CEP78: variants seen among roughly 807,000 people sequenced by gnomAD.
CEP78 encodes the protein centrosomal protein of 78 kDa.
In CEP78, 76 loss-of-function variants were observed where a neutral mutation model predicts 81.2. The ratio of observed to expected loss-of-function variants is 0.94; its 90% confidence interval spans 0.78 to 1.13. CEP78 has a LOEUF of 1.13. Among genes scored for constraint, CEP78 ranks in the 50% most tolerant of loss-of-function variants. The pLI, the probability that CEP78 is intolerant of heterozygous loss-of-function variation, is 0.00. For synonymous variants in CEP78, 293 were observed against 301.4 expected (o/e 0.97, Z 0.29); for missense variants, 918 against 846.8 (o/e 1.08, Z -1.04).
In CEP78 at chr9:78,250,696, G is replaced by GCCA. The variant is rs534269288; in HGVS notation, c.1070-1210_1070-1208dup. On this transcript the variant is annotated intron_variant, in intron 8 of 16. Coordinates refer to ENST00000643273, the MANE Select transcript of CEP78 (RefSeq NM_001330691.3). ...GGAGGTTGCAGTGAGCTAAGATTGTGCCACTGCACTCCAGCCTGGGCGACA... is the reference window on the plus strand; with the variant it reads ...GGAGGTTGCAGTGAGCTAAGATTGTGCCACCACTGCACTCCAGCCTGGGCGACA... Among the ~76,000 whole-genome samples, 755 of 152,164 alleles carry GCCA rather than the reference G, an allele frequency of 5.0e-3. 6 individuals are homozygous for GCCA. Among genetic ancestry groups the GCCA allele is most frequent in the African/African-American group, 0.017 (723 of 41,488 alleles).
rs1178784229 is a variant in CEP78, at chr9:78,276,244, A to G, written c.*5393A>G. The G allele has an allele frequency of 6.6e-6, 1 of 152,228 alleles. No homozygotes were observed. The highest frequency in any genetic ancestry group is 6.5e-5 in the Admixed American group (1 of 15,278). The allele number at this position is 152,228 out of a possible 1,614,324, so 9.4% of individuals were successfully genotyped here. ...GAAGAGTAACTCACTGTAGCTCACT[A>G]AATTAACAGATTAAAGAAGTATAGT... On this transcript the variant is annotated 3_prime_UTR_variant, in exon 17 of 17. Transcript: ENST00000643273.
chr9:78,258,818 CTCCTA>C (rs1339042768), intron 11 of CEP78, among the ~76,000 whole-genome samples: 8 of 152,182 alleles, frequency 5.3e-5, no homozygotes, highest in African/African-American at 1.9e-4. Context: ...TGCAACTACA[CTCCTA>C]TCAGATTGGC....
chr9:78,278,126 A>C lies in CEP78; in HGVS notation c.*7275A>C, dbSNP rs757639015. On this transcript the variant is annotated 3_prime_UTR_variant, in exon 17 of 17. Coordinates refer to ENST00000643273, the MANE Select transcript of CEP78 (RefSeq NM_001330691.3). ...AAAAAAGGGGGGCTTCTCACATTTT[A>C]CTCCATTTAATTCTAGGTTGTTTGG... is the stretch of plus-strand genomic sequence containing the variant. 4.6e-5 allele frequency: 7 copies of C among 152,102 alleles called. No individual in the cohort carries two copies. Among genetic ancestry groups the C allele is most frequent in the Non-Finnish European group, 8.8e-5 (6 of 68,028 alleles). 9.4% of individuals were successfully genotyped at this position (152,102 alleles called of 1,614,324 possible).
chr9:78,264,902 C>T (rs563460574), intron 13 of CEP78, among the ~76,000 whole-genome samples: 6 of 152,020 alleles, frequency 3.9e-5, no homozygotes, highest in South Asian at 4.2e-4. Flanking sequence ...TTTTGCTGAA[C>T]GAATATACTG....
At chr9:78,257,768 A>G (rs754246732) in intron 11 of CEP78, among the ~76,000 whole-genome samples, 14 of 152,232 alleles carry the variant, frequency 9.2e-5, no homozygotes, top group Non-Finnish European at 2.1e-4. Context: ...TTTCAGTGGC[A>G]CAGCAGTCGG....
At chr9:78,258,494 C>T (rs1386243896) in intron 11 of CEP78, among the ~76,000 whole-genome samples, 2 of 152,114 alleles carry the variant, frequency 1.3e-5, no homozygotes, top group African/African-American at 4.8e-5. Flanking sequence ...TAATGTATAT[C>T]ACTAGAAGTT....
intron 3 of CEP78, 79 bp downstream of exon 3, chr9:78,240,443 G>A: frequency 8.2e-7 from 1 of 1,226,560 alleles, no homozygotes; most frequent in Non-Finnish European, 1.2e-6. Context: ...ATTCCTGTCT[G>A]TACCTTTTTT....
intron 10 of CEP78, chr9:78,253,746 GTCA>G (rs1194860103): frequency 6.5e-6 from 1 of 153,458 alleles, no homozygotes; most frequent in East Asian, 1.9e-4. Context: ...CACATTCCCT[GTCA>G]TTCTGCATCA....
In CEP78 at chr9:78,248,334, T is replaced by A. The variant is rs1473992572; in HGVS notation, c.936T>A (p.Asn312Lys). ...CAGTTATCAAAAAAGTCCTCCAGAA[T>A]GGAAGGAGTGCCAAATCAGAGGTAT... ...MKAVIKKVLQ[N>K]GRSAKSEYQW... The change falls in exon 7 of 17, where the codon AAT becomes AAA. Residue 312 changes from asparagine (N) to lysine (K), a missense_variant. By Grantham distance (94) the Asn-to-Lys change is moderately conservative. Transcript: ENST00000643273. 33 of 1,579,554 alleles carry A rather than the reference T, an allele frequency of 2.1e-5. No homozygotes were observed. Among genetic ancestry groups the A allele is most frequent in the Non-Finnish European group, 2.9e-5 (33 of 1,148,698 alleles).
rs371076007 is a variant in CEP78 at position 78,236,591 on chromosome 9, C to G, written c.241C>G (p.Leu81Val). The change falls in exon 1 of 17, where the codon CTG becomes GTG. Residue 81 changes from leucine (L) to valine (V), a missense_variant. Physicochemically the swap from Leu to Val is conservative, Grantham distance 32. Coordinates refer to ENST00000643273, the MANE Select transcript of CEP78 (RefSeq NM_001330691.3). ...VSIKSFFQPW[L>V]GDTGSDMNKF... is the part of the protein sequence containing the mutation. ...CATCAAGAGCTTCTTCCAGCCCTGGCTGGGGGACACAGGTTTGTAGTTCCC... is the reference window on the plus strand; with the variant it reads ...CATCAAGAGCTTCTTCCAGCCCTGGGTGGGGGACACAGGTTTGTAGTTCCC... The G allele has an allele frequency of 9.7e-6, 15 of 1,543,684 alleles. No individual in the cohort carries two copies. In the African/African-American group the frequency reaches 2.1e-4, roughly 21 times the overall value.
chr9:78,241,378 T>G (rs1587553752), intron 3 of CEP78, among the ~76,000 whole-genome samples: 2 of 152,298 alleles, frequency 1.3e-5, no homozygotes, highest in African/African-American at 4.8e-5. Context: ...TAGGAAGAGT[T>G]TTATTTTTTT....
chr9:78,252,753 A>G (rs1454179959), intron 9 of CEP78, among the ~76,000 whole-genome samples: 1 of 152,238 alleles, frequency 6.6e-6, no homozygotes, highest in African/African-American at 2.4e-5. Flanking sequence ...CTCAGATTAA[A>G]TTGAATATGT....
At chr9:78,259,040 C>T (rs1368851636) in intron 11 of CEP78, among the ~76,000 whole-genome samples, 2 of 152,162 alleles carry the variant, frequency 1.3e-5, no homozygotes, top group Non-Finnish European at 2.9e-5. Context: ...AAAGGGTCCA[C>T]GTGCATTATT....
chr9:78,265,655 C>A, intron 14 of CEP78, 112 bp downstream of exon 14: 1 of 1,024,694 alleles, frequency 9.8e-7, no homozygotes, highest in Non-Finnish European at 1.4e-6. Flanking sequence ...GGACCAGAAG[C>A]ATCTTTGGGG....
intron 11 of CEP78, among the ~76,000 whole-genome samples, chr9:78,255,280 G>A (rs772859193): frequency 1.3e-5 from 2 of 152,130 alleles, no homozygotes; most frequent in Non-Finnish European, 2.9e-5. Context: ...CTGAATGAAT[G>A]TAACCAGCTG....
chr9:78,248,167 AT>A, intron 6 of CEP78, 123 bp from the exon 7 acceptor site: 1 of 673,430 alleles, frequency 1.5e-6, no homozygotes, highest in Non-Finnish European at 2.7e-6. Context: ...ATTTAATTAC[AT>A]TATGTGGAAT....
chr9:78,253,423 G>A (rs759966411), intron 10 of CEP78, 146 bp downstream of exon 10: 132 of 620,712 alleles, frequency 2.1e-4, no homozygotes, highest in Non-Finnish European at 2.9e-4. Flanking sequence ...GGGTTCTCCC[G>A]GTGCCACAGT....
intron 8 of CEP78, among the ~76,000 whole-genome samples, chr9:78,251,703 A>G (rs1244370749): frequency 6.6e-6 from 1 of 150,988 alleles, no homozygotes; most frequent in African/African-American, 2.4e-5. Flanking sequence ...TTTATTACTT[A>G]TATTTAAGTA....
In CEP78 at chr9:78,253,261, T is replaced by C. The variant is rs1429965782; in HGVS notation, c.1235T>C (p.Ile412Thr). The change falls in exon 10 of 17, where the codon ATA becomes ACA. Residue 412 changes from isoleucine (I) to threonine (T), a missense_variant. Ile to Thr is a moderately conservative substitution (Grantham distance 89). Coordinates refer to ENST00000643273, the MANE Select transcript of CEP78 (RefSeq NM_001330691.3). Reference protein sequence around the residue: ...RGFPLIKTRDICNQLQQPGFP... With the variant: ...RGFPLIKTRDTCNQLQQPGFP... Reference sequence around the variant, plus strand: ...TTCCCATTAATCAAAACACGTGATATATGTAATCAGTTGCAGGTACGTAGT... The same window carrying C: ...TTCCCATTAATCAAAACACGTGATACATGTAATCAGTTGCAGGTACGTAGT... 4 of 1,382,466 alleles carry C rather than the reference T, an allele frequency of 2.9e-6. No homozygotes were observed. The highest frequency in any genetic ancestry group is 4.1e-6 in the Non-Finnish European group (4 of 981,566). 85.6% of individuals were successfully genotyped at this position (1,382,466 alleles called of 1,614,324 possible).
Sources: allele counts gnomAD v4.1 joint callset (sites outside exome capture counted in the v4.1 genomes callset), GRCh38; gene constraint gnomAD v4.1.1; transcripts MANE v1.5; gene names NCBI Gene and HGNC (gene_info 2026-07-23, HGNC 2026-07-21).